Variants in TRNAU1AP observed in about 807,000 individuals in gnomAD.
The protein encoded by TRNAU1AP is tRNA selenocysteine 1-associated protein 1.
In TRNAU1AP, 33 loss-of-function variants were observed where a neutral mutation model predicts 43.3. The observed-to-expected ratio is 0.76, with a 90% CI of 0.58 to 1.02. TRNAU1AP has a LOEUF of 1.02. TRNAU1AP is among the 50% of genes least tolerant of loss of function. The pLI is 0.00. For synonymous variants in TRNAU1AP, 143 were observed against 129.1 expected, an observed-to-expected ratio of 1.11 and a Z score of -0.73; for missense variants, 290 against 362.7, an observed-to-expected ratio of 0.80 and a Z score of 1.63.
At chr1:28,567,038 CGAG>C (rs1270049360) in intron 5 of TRNAU1AP, among the ~76,000 whole-genome samples, 1 of 152,148 alleles carries the variant, frequency 6.6e-6, no homozygotes, top group Non-Finnish European at 1.5e-5. Flanking sequence ...GTGAAGGTGT[CGAG>C]GAGGATGGTG....
At chr1:28,553,824 T>A (rs146283580) in intron 2 of TRNAU1AP, 87 bp downstream of exon 2, 11,892 of 1,136,626 alleles carry the variant, frequency 0.01, 99 homozygotes, top group Non-Finnish European at 0.013. Context: ...GGCTTCTCAC[T>A]ACCCCTAGTA....
chr1:28,553,536 C>T, intron 1 of TRNAU1AP, 104 bp from the exon 2 acceptor site: 1 of 1,112,430 alleles, frequency 9.0e-7, no homozygotes, highest in Non-Finnish European at 1.3e-6. Context: ...CCTCGCTCCC[C>T]CAGCGGCGCG....
At chr1:28,553,821 C>A in intron 2 of TRNAU1AP, 84 bp downstream of exon 2, 1 of 1,185,302 alleles carries the variant, frequency 8.4e-7, no homozygotes, top group Non-Finnish European at 1.2e-6. Context: ...CATGGCTTCT[C>A]ACTACCCCTA....
intron 1 of TRNAU1AP, 100 bp downstream of exon 1, chr1:28,553,237 G>C: frequency 7.8e-7 from 1 of 1,280,970 alleles, no homozygotes; most frequent in Non-Finnish European, 1.0e-6. Flanking sequence ...ATCCCAGAAA[G>C]GGGAGACGTG....
At chr1:28,562,931 T>C (rs942917030) in intron 4 of TRNAU1AP, among the ~76,000 whole-genome samples, 2 of 146,792 alleles carry the variant, frequency 1.4e-5, no homozygotes, top group African/African-American at 5.1e-5. Context: ...AGTCTCACTC[T>C]GTTGCCCAAG....
intron 2 of TRNAU1AP, among the ~76,000 whole-genome samples, chr1:28,556,878 T>G (rs529441767): frequency 1.1e-4 from 17 of 152,124 alleles, no homozygotes; most frequent in African/African-American, 4.1e-4. Context: ...AGAGATGGGA[T>G]TTCACTGTGT....
intron 2 of TRNAU1AP, 78 bp downstream of exon 2, chr1:28,553,815 G>A (rs1665189637): frequency 2.4e-6 from 3 of 1,243,796 alleles, no homozygotes; most frequent in Admixed American, 1.8e-5. Context: ...CGTAGTCATG[G>A]CTTCTCACTA....
Position 28,561,326 on chromosome 1 carries a change from G to C in TRNAU1AP, c.226-20G>C. On this transcript the variant is annotated intron_variant, in intron 3 of 8. Coordinates refer to ENST00000373830, the MANE Select transcript of TRNAU1AP (RefSeq NM_017846.5). ...GAAACACCTTTCTCTGTTTTAGTTT[G>C]TTTGTTTTTCAACTTCCAGGCGAAA... 2 of 1,613,986 alleles carry C rather than the reference G, an allele frequency of 1.2e-6. No individual in the cohort carries two copies. Among genetic ancestry groups the C allele is most frequent in the African/African-American group, 1.3e-5 (1 of 75,040 alleles).
intron 2 of TRNAU1AP, among the ~76,000 whole-genome samples, chr1:28,556,379 G>A (rs1037679746): frequency 2.6e-5 from 4 of 151,544 alleles, no homozygotes; most frequent in East Asian, 2.0e-4. Context: ...AAGGAGAATC[G>A]TTTGAACCCA....
At chr1:28,561,819 T>C (rs550169029) in intron 4 of TRNAU1AP, among the ~76,000 whole-genome samples, 2 of 152,244 alleles carry the variant, frequency 1.3e-5, no homozygotes, top group African/African-American at 2.4e-5. Flanking sequence ...ACTCCTATAA[T>C]CCCAGCACTT....
chr1:28,571,837 C>G, intron 7 of TRNAU1AP, 30 bp from the exon 8 acceptor site: 1 of 1,609,548 alleles, frequency 6.2e-7, no homozygotes, highest in East Asian at 2.2e-5. Flanking sequence ...TTCACCATGC[C>G]CCTAACCCAC....
chr1:28,569,251 A>G (rs547099948), intron 6 of TRNAU1AP, among the ~76,000 whole-genome samples: 1 of 152,366 alleles, frequency 6.6e-6, no homozygotes, highest in African/African-American at 2.4e-5. Context: ...ACATTAAATT[A>G]GCTGGGCTTG....
intron 4 of TRNAU1AP, 36 bp downstream of exon 4, chr1:28,561,434 G>T: frequency 6.2e-7 from 1 of 1,612,300 alleles, no homozygotes. Context: ...GACATAAGAT[G>T]TGTCACTGTG....
Position 28,553,152 on chromosome 1 carries a change from C to T in TRNAU1AP, c.27+15C>T, listed in dbSNP as rs761561905. On this transcript the variant is annotated intron_variant, in intron 1 of 8. Transcript: ENST00000373830. ...GGATGGGCGACGTGAGTGAGGGCAG[C>T]CGTCCGGGGTCTGAAGACAAGGAAG... The T allele has an allele frequency of 1.3e-6, 2 of 1,513,228 alleles. No individual in the cohort carries two copies. The highest frequency in any genetic ancestry group is 2.2e-5 in the Admixed American group (1 of 45,364). 93.7% of individuals were successfully genotyped at this position (1,513,228 alleles called of 1,614,324 possible). A position where few individuals can be genotyped will look rare whatever the true frequency, so the allele number is the denominator to read the frequency against.
intron 2 of TRNAU1AP, among the ~76,000 whole-genome samples, chr1:28,558,530 A>G (rs1321137398): frequency 6.7e-6 from 1 of 148,458 alleles, no homozygotes; most frequent in South Asian, 2.1e-4. Context: ...AGTAGCTGGG[A>G]CTACAGGCAC....
At chr1:28,561,790 T>A (rs1456965627) in intron 4 of TRNAU1AP, among the ~76,000 whole-genome samples, 1 of 151,784 alleles carries the variant, frequency 6.6e-6, no homozygotes, top group East Asian at 1.9e-4. Context: ...AATACAAAAA[T>A]GGCCGGGTGT....
intron 8 of TRNAU1AP, among the ~76,000 whole-genome samples, chr1:28,575,856 CTT>C (rs34983069): frequency 5.7e-3 from 346 of 60,678 alleles, no homozygotes; most frequent in African/African-American, 0.024. Flanking sequence ...CTGCGCCTGG[CTT>C]TTTTTTTTTT....
chr1:28,569,611 G>A (rs184274276), intron 6 of TRNAU1AP, among the ~76,000 whole-genome samples: 15 of 151,236 alleles, frequency 9.9e-5, no homozygotes, highest in African/African-American at 3.4e-4. Flanking sequence ...AGAATGGCAT[G>A]AACCCAGGAG....
intron 5 of TRNAU1AP, chr1:28,565,487 T>TAA (rs61222018): frequency 1.9e-4 from 26 of 134,042 alleles, no homozygotes; most frequent in Admixed American, 8.3e-4. Context: ...TCTGTCTCCA[T>TAA]AAAAAAAAAA....
Sources: gnomAD v4.1 joint callset for allele counts (sites outside exome capture counted in the v4.1 genomes callset) on GRCh38, gnomAD v4.1.1 for gene constraint, MANE v1.5 for transcripts, NCBI Gene and HGNC (gene_info 2026-07-23, HGNC 2026-07-21) for gene names.